Variants in CACNG2 observed in about 807,000 individuals in gnomAD.
The protein encoded by CACNG2 is voltage-dependent calcium channel gamma-2 subunit.
In CACNG2, 3 loss-of-function variants were observed where a neutral mutation model predicts 25.9. The ratio of observed to expected loss-of-function variants is 0.12; its 90% CI spans 0.05 to 0.30. CACNG2 has a LOEUF of 0.30. Ranked by LOEUF, CACNG2 falls within the 10% of genes least tolerant of loss-of-function variation. The probability of loss-of-function intolerance (pLI) is 1.00; values close to 1 mark genes in which losing one functional copy is unlikely to be tolerated. For missense variants in CACNG2, 341 were observed against 432.5 expected, an observed-to-expected ratio of 0.79 and a Z score of 1.88; for synonymous variants, 167 against 173.3, an observed-to-expected ratio of 0.96 and a Z score of 0.29.
chr22:36,601,636 C>T (rs1358517145), intron 1 of CACNG2, among the ~76,000 whole-genome samples: 1 of 152,102 alleles, frequency 6.6e-6, no homozygotes, highest in East Asian at 1.9e-4. Flanking sequence ...AGGCGCCTGC[C>T]ACTACGCCTG....
chr22:36,596,130 G>A (rs1935674775), intron 1 of CACNG2, among the ~76,000 whole-genome samples: 3 of 152,246 alleles, frequency 2.0e-5, no homozygotes, highest in Admixed American at 6.5e-5. Flanking sequence ...GCCAGGAGGG[G>A]ACACGGTGGA....
chr22:36,618,685 C>T (rs1936061658), intron 1 of CACNG2, among the ~76,000 whole-genome samples: 1 of 152,200 alleles, frequency 6.6e-6, no homozygotes, highest in African/African-American at 2.4e-5. Flanking sequence ...CTTTGGGAGG[C>T]TGAGGCGAGC....
chr22:36,617,432 A>G (rs1214578936), intron 1 of CACNG2, among the ~76,000 whole-genome samples: 1 of 151,986 alleles, frequency 6.6e-6, no homozygotes, highest in Non-Finnish European at 1.5e-5. Context: ...ACTAAATGAG[A>G]GGAAGTATAC....
chr22:36,612,359 A>G (rs539686134), intron 1 of CACNG2, among the ~76,000 whole-genome samples: 2 of 152,328 alleles, frequency 1.3e-5, no homozygotes, highest in East Asian at 3.9e-4. Flanking sequence ...CCATTACTAT[A>G]TTAGTATAAC....
rs75517522 is a variant in CACNG2, at chr22:36,588,699, C to T, written c.212-1151G>A. On this transcript the variant is annotated intron_variant, in intron 1 of 3. Transcript: ENST00000300105. ...GAGTGGCGATAACAAGAATTCTTCC[C>T]TGGCAGATTGTCGTGGAGGTTCACT... Among the ~76,000 whole-genome samples, 49 of 152,312 alleles carry T rather than the reference C, an allele frequency of 3.2e-4. 1 individual carries two copies. The East Asian group carries it at 8.9e-3, about 28-fold the overall frequency.
intron 3 of CACNG2, among the ~76,000 whole-genome samples, chr22:36,565,153 G>T (rs892462936): frequency 3.3e-5 from 5 of 152,232 alleles, no homozygotes; most frequent in African/African-American, 1.2e-4. Context: ...TTCACAAGGC[G>T]CTGAGTAACT....
chr22:36,566,254 C>T (rs1224350537), intron 3 of CACNG2, 99 bp downstream of exon 3: 15 of 1,239,146 alleles, frequency 1.2e-5, no homozygotes, highest in Non-Finnish European at 1.5e-5. Context: ...GAGATTTCCT[C>T]TCCTCTCTCC....
rs1040701118 is a variant in CACNG2 at position 36,584,884 on chromosome 22, A to G, written c.295+2581T>C. On this transcript the variant is annotated intron_variant, in intron 2 of 3. Transcript: ENST00000300105. The stretch of plus-strand genomic sequence containing the variant: ...GGTGCAGATGGGTTTGACAGACCTT[A>G]ACTAGGAGTGGACTCAGGCCCTCTC... The G allele has an allele frequency of 2.0e-5, 3 of 152,308 alleles. No individual in the cohort carries two copies. In the East Asian group the frequency reaches 5.8e-4, roughly 29 times the overall value. 9.4% of individuals were successfully genotyped at this position (152,308 alleles called of 1,614,324 possible).
intron 1 of CACNG2, among the ~76,000 whole-genome samples, chr22:36,599,592 C>T (rs749697882): frequency 3.3e-5 from 5 of 152,066 alleles, no homozygotes; most frequent in Non-Finnish European, 7.4e-5. Context: ...CCCAGCTACT[C>T]GGGATGCTGA....
chr22:36,655,280 T>G (rs1936685987), intron 1 of CACNG2, among the ~76,000 whole-genome samples: 1 of 152,224 alleles, frequency 6.6e-6, no homozygotes, highest in African/African-American at 2.4e-5. Flanking sequence ...TATGGCAAAA[T>G]AGTTTCTATA....
intron 1 of CACNG2, among the ~76,000 whole-genome samples, chr22:36,697,804 T>C (rs1937359015): frequency 6.6e-6 from 1 of 152,152 alleles, no homozygotes; most frequent in Non-Finnish European, 1.5e-5. Flanking sequence ...GGTGGGCCAT[T>C]CTAAGGCCTG....
chr22:36,631,917 A>G (rs372402674), intron 1 of CACNG2, among the ~76,000 whole-genome samples: 1 of 152,064 alleles, frequency 6.6e-6, no homozygotes, highest in African/African-American at 2.4e-5. Flanking sequence ...AAGGACTCCA[A>G]TGCTCATGCC....
intron 1 of CACNG2, among the ~76,000 whole-genome samples, chr22:36,614,157 C>T (rs1935987717): frequency 6.6e-6 from 1 of 152,194 alleles, no homozygotes; most frequent in Admixed American, 6.6e-5. Context: ...GGGTCCACCA[C>T]AATTCGACAG....
chr22:36,702,757 A>G lies in CACNG2; in HGVS notation c.-181T>C. The G allele has an allele frequency of 1.7e-6, 1 of 577,410 alleles. No individual in the cohort carries two copies. The highest frequency in any genetic ancestry group is 3.0e-6 in the Non-Finnish European group (1 of 329,214). 35.8% of individuals were successfully genotyped at this position (577,410 alleles called of 1,614,324 possible). ...TAAAAAAAGGGAGGTAAGAAAGCTC[A>G]CGGAAAAGAGTGTAAATTATAAAGA... On this transcript the variant is annotated 5_prime_UTR_variant, in exon 1 of 4. Coordinates refer to ENST00000300105, the MANE Select transcript of CACNG2 (RefSeq NM_006078.5).
At chr22:36,591,578 C>T (rs1300889427) in intron 1 of CACNG2, among the ~76,000 whole-genome samples, 1 of 152,112 alleles carries the variant, frequency 6.6e-6, no homozygotes, top group East Asian at 1.9e-4. Flanking sequence ...GAGTCTGAGG[C>T]AGGAGGATCC....
chr22:36,640,857 C>A (rs1292350629), intron 1 of CACNG2, among the ~76,000 whole-genome samples: 1 of 152,162 alleles, frequency 6.6e-6, no homozygotes, highest in Non-Finnish European at 1.5e-5. Flanking sequence ...AGCCCACAAG[C>A]CCTTCCGTGT....
chr22:36,636,791 C>CA (rs564865778), intron 1 of CACNG2, among the ~76,000 whole-genome samples: 163 of 152,352 alleles, frequency 1.1e-3, no homozygotes, highest in African/African-American at 3.9e-3. Flanking sequence ...ATCTCAGTTG[C>CA]AATCACAATC....
At chr22:36,580,650 G>A (rs1196208299) in intron 2 of CACNG2, among the ~76,000 whole-genome samples, 2 of 152,182 alleles carry the variant, frequency 1.3e-5, no homozygotes, top group African/African-American at 4.8e-5. Context: ...TGAGTATGGA[G>A]TGGGGAGACC....
intron 1 of CACNG2, among the ~76,000 whole-genome samples, chr22:36,670,187 G>A (rs1236973556): frequency 6.6e-6 from 1 of 152,170 alleles, no homozygotes; most frequent in Admixed American, 6.5e-5. Flanking sequence ...AGCAGCGTTG[G>A]ATGCTGGGCT....
Sources: allele counts gnomAD v4.1 joint callset (sites outside exome capture counted in the v4.1 genomes callset), GRCh38; gene constraint gnomAD v4.1.1; transcripts MANE v1.5; gene names NCBI Gene and HGNC (gene_info 2026-07-23, HGNC 2026-07-21).